Variants in CEP85 observed in about 807,000 individuals in gnomAD.
CEP85 encodes the protein centrosomal protein 85.
CEP85 carries 58 observed loss-of-function variants against 93.7 expected under a neutral mutation model. That is an observed-to-expected ratio of 0.62 (90% CI 0.50 to 0.77). The LOEUF (loss-of-function observed/expected upper bound fraction) is 0.77. Among genes scored for constraint, CEP85 ranks in the 30% least tolerant of loss-of-function variants. The pLI is 0.00. For missense variants in CEP85, 868 were observed against 922.0 expected (o/e 0.94, Z 0.76); for synonymous variants, 314 against 338.6 (o/e 0.93, Z 0.80).
intron 3 of CEP85, among the ~76,000 whole-genome samples, chr1:26,245,420 C>G (rs531398765): frequency 5.9e-5 from 9 of 152,220 alleles, no homozygotes; most frequent in African/African-American, 1.9e-4. Context: ...TCTTGCCTTT[C>G]CTAGCTATGC....
intron 6 of CEP85, 111 bp downstream of exon 6, chr1:26,258,371 GTCCCTGC>G: frequency 1.4e-6 from 1 of 725,962 alleles, no homozygotes; most frequent in South Asian, 1.6e-5. Context: ...TGATGTAAGT[GTCCCTGC>G]CCTCAAAGAG....
chr1:26,257,486 T>G, intron 4 of CEP85, 111 bp from the exon 5 acceptor site: 1 of 1,305,698 alleles, frequency 7.7e-7, no homozygotes, highest in Non-Finnish European at 1.1e-6. Context: ...TTGGGCCTCA[T>G]CAGGCTGAGC....
At chr1:26,275,467 G>A (rs116135027) in intron 12 of CEP85, among the ~76,000 whole-genome samples, 2,111 of 152,138 alleles carry the variant, frequency 0.014, 49 homozygotes, top group African/African-American at 0.048. Context: ...TTTTAGTTGA[G>A]GTGGGGTTTC....
chr1:26,263,679 CAA>C (rs1003596090), intron 7 of CEP85, among the ~76,000 whole-genome samples: 1 of 142,654 alleles, frequency 7.0e-6, no homozygotes. Context: ...GACATTGTCT[CAA>C]AAAAAAAAAG....
At chr1:26,275,687 C>T (rs577149226) in intron 12 of CEP85, among the ~76,000 whole-genome samples, 31 of 152,228 alleles carry the variant, frequency 2.0e-4, no homozygotes, top group Admixed American at 5.9e-4. Context: ...ATTTGGTGGC[C>T]TTCATGCACT....
intron 8 of CEP85, among the ~76,000 whole-genome samples, chr1:26,268,847 C>T (rs1157773778): frequency 6.6e-6 from 1 of 152,190 alleles, no homozygotes; most frequent in Non-Finnish European, 1.5e-5. Flanking sequence ...AAGTGAACCC[C>T]AAGTTTCTCT....
chr1:26,256,169 G>A (rs550142589), intron 4 of CEP85, among the ~76,000 whole-genome samples: 57 of 152,234 alleles, frequency 3.7e-4, no homozygotes, highest in Non-Finnish European at 6.5e-4. Context: ...GTGTACTAAC[G>A]AGGTAGATGT....
Position 26,235,567 on chromosome 1 carries a change from C to CTTTTTTTTTTTTT in CEP85, c.-23+1265_-23+1277dup, listed in dbSNP as rs1192252673. Among the ~76,000 whole-genome samples the CTTTTTTTTTTTTT allele has an allele frequency of 5.2e-3, 497 of 95,530 alleles. 25 individuals are homozygous for CTTTTTTTTTTTTT. Among genetic ancestry groups the CTTTTTTTTTTTTT allele is most frequent in the Middle Eastern group, 9.1e-3 (1 of 110 alleles). The allele number at this position is 95,530 out of a possible 152,430, so 62.7% of individuals were successfully genotyped here. A position where few individuals can be genotyped will look rare whatever the true frequency, so the allele number is the denominator to read the frequency against. ...GATGTTCCACACTTAGATTGTAATT[C>CTTTTTTTTTTTTT]TTTTTTTTTTTTTTTTTTTTGTGAG... On this transcript the variant is annotated intron_variant, in intron 1 of 13. Coordinates refer to ENST00000451429, the MANE Select transcript of CEP85 (RefSeq NM_001319944.2).
In CEP85 at chr1:26,257,638, T is replaced by C; in HGVS notation, c.945T>C (p.Gly315=). 1 of 1,614,206 alleles carries C rather than the reference T, an allele frequency of 6.2e-7. No homozygotes were observed. The highest frequency in any genetic ancestry group is 1.1e-5 in the South Asian group (1 of 91,084). ...TCTGCCACCATCCTGCTGCTTTTGG[T>C]CCTTCACTGCCCATCTTAGAGCCAG... ...GAICHHPAAF[G]PSLPILEPAQ... The change falls in exon 5 of 14, where the codon GGT becomes GGC. Residue 315 remains glycine (G), a synonymous_variant. Coordinates refer to ENST00000451429, the MANE Select transcript of CEP85 (RefSeq NM_001319944.2).
chr1:26,244,593 C>G (rs1164277193), intron 3 of CEP85, among the ~76,000 whole-genome samples: 2 of 152,130 alleles, frequency 1.3e-5, no homozygotes, highest in African/African-American at 4.8e-5. Flanking sequence ...CTGGCATGAT[C>G]ATAGCTCGCT....
At chr1:26,257,510 G>C (rs2089725606) in intron 4 of CEP85, 87 bp from the exon 5 acceptor site, 2 of 1,504,904 alleles carry the variant, frequency 1.3e-6, no homozygotes, top group African/African-American at 1.4e-5. Flanking sequence ...GTTGGGCTTT[G>C]ACTACAGACC....
intron 7 of CEP85, among the ~76,000 whole-genome samples, chr1:26,264,517 G>A (rs1423975623): frequency 6.6e-6 from 1 of 152,176 alleles, no homozygotes; most frequent in Non-Finnish European, 1.5e-5. Context: ...TTGGCAATGA[G>A]AGTGAGACTC....
At chr1:26,235,109 C>T (rs915317183) in intron 1 of CEP85, among the ~76,000 whole-genome samples, 1 of 152,166 alleles carries the variant, frequency 6.6e-6, no homozygotes, top group Non-Finnish European at 1.5e-5. Flanking sequence ...TTTATTTGTT[C>T]AACAGTATAT....
intron 2 of CEP85, among the ~76,000 whole-genome samples, chr1:26,243,011 C>T (rs1197962895): frequency 2.0e-5 from 3 of 152,046 alleles, no homozygotes; most frequent in African/African-American, 7.2e-5. Flanking sequence ...TTAGTGATAT[C>T]TTCACGTTGC....
chr1:26,271,046 G>C lies in CEP85; in HGVS notation c.1682G>C (p.Ser561Thr), dbSNP rs754118151. Reference sequence around the variant, plus strand: ...GATAAACAGTCTGTGGAGGAGACCAGTGGAGAAGGTCCAGAAGTGGAAATG... The same window carrying C: ...GATAAACAGTCTGTGGAGGAGACCACTGGAGAAGGTCCAGAAGTGGAAATG... ...LQDKQSVEETSGEGPEVEMES... is the reference protein window; with the variant it reads ...LQDKQSVEETTGEGPEVEMES... Residue 561 changes from serine to threonine, a missense_variant, in exon 10 of 14, where the codon AGT becomes ACT. By Grantham distance (58) the Ser-to-Thr change is moderately conservative. Coordinates refer to ENST00000451429, the MANE Select transcript of CEP85 (RefSeq NM_001319944.2). The C allele has an allele frequency of 6.2e-7, 1 of 1,613,634 alleles. No homozygotes were observed. The highest frequency in any genetic ancestry group is 2.2e-5 in the East Asian group (1 of 44,874).
intron 2 of CEP85, 136 bp downstream of exon 2, chr1:26,239,974 T>C (rs542925592): frequency 4.4e-6 from 3 of 676,950 alleles, no homozygotes; most frequent in South Asian, 1.8e-5. Flanking sequence ...TGGGGCTTCA[T>C]TGAATATAAA....
Position 26,272,057 on chromosome 1 carries a change from C to G in CEP85, c.1780C>G (p.Arg594Gly). 1 of 1,613,974 alleles carries G rather than the reference C, an allele frequency of 6.2e-7. No homozygotes were observed. Among genetic ancestry groups the G allele is most frequent in the African/African-American group, 1.3e-5 (1 of 75,030 alleles). Reference protein sequence around the residue: ...EKQQQKMDQLRSQVQSLEQEV... With the variant: ...EKQQQKMDQLGSQVQSLEQEV... The stretch of plus-strand genomic sequence containing the variant: ...GCAGCAGCAGAAGATGGATCAGTTG[C>G]GCTCACAAGTACAGGTGAGCAGGAA... Residue 594 changes from arginine (R) to glycine (G), a missense_variant, in exon 11 of 14, where the codon CGC becomes GGC. Transcript: ENST00000451429.
chr1:26,257,576 C>T, intron 4 of CEP85, 21 bp from the exon 5 acceptor site: 1 of 1,613,548 alleles, frequency 6.2e-7, no homozygotes, highest in African/African-American at 1.3e-5. Flanking sequence ...TCAAGCTCAT[C>T]TGGGCCTACT....
At position 26,277,150 on chromosome 1, in the gene CEP85, A is replaced by G. The variant is rs1336285994; in HGVS notation, c.2143A>G (p.Thr715Ala). 1 of 1,613,646 alleles carries G rather than the reference A, an allele frequency of 6.2e-7. No individual in the cohort carries two copies. Among genetic ancestry groups the G allele is most frequent in the East Asian group, 2.2e-5 (1 of 44,872 alleles). The change falls in exon 14 of 14, where the codon ACT becomes GCT. Residue 715 changes from threonine (T) to alanine (A), a missense_variant. Thr to Ala is a moderately conservative substitution (Grantham distance 58). Coordinates refer to ENST00000451429, the MANE Select transcript of CEP85 (RefSeq NM_001319944.2). ...CTCCCCAGCAGCACAGCACCCAGAG[A>G]CTCAGCTAGATTTGCAGAAGCCAGA... ...LLGIHSQHPETQLDLQKPDVI... is the reference protein window; with the variant it reads ...LLGIHSQHPEAQLDLQKPDVI...
Sources: allele counts gnomAD v4.1 joint callset (sites outside exome capture counted in the v4.1 genomes callset), GRCh38; gene constraint gnomAD v4.1.1; transcripts MANE v1.5; gene names NCBI Gene and HGNC (gene_info 2026-07-23, HGNC 2026-07-21).